The following DEAF1 variants were observed in gnomAD, a reference collection of about 807,000 sequenced individuals.
DEAF1 encodes the protein deformed epidermal autoregulatory factor 1 homolog.
Under a neutral mutation model 58.9 loss-of-function variants are expected in DEAF1, and 53 were observed. The observed-to-expected ratio is 0.90, with a 90% CI of 0.72 to 1.13. The LOEUF (loss-of-function observed/expected upper bound fraction) is 1.13. Ranked by LOEUF, DEAF1 falls within the 50% of genes most tolerant of loss-of-function variation. The pLI, the probability that DEAF1 is intolerant of heterozygous loss-of-function variation, is 0.00. For missense variants in DEAF1, 685 were observed against 791.4 expected, an observed-to-expected ratio of 0.87 and a Z score of 1.61; for synonymous variants, 385 against 340.4, an observed-to-expected ratio of 1.13 and a Z score of -1.44.
chr11:670,931 G>GCTTTTTT (rs1859793528), intron 10 of DEAF1, among the ~76,000 whole-genome samples: 1 of 91,388 alleles, frequency 1.1e-5, no homozygotes, highest in Non-Finnish European at 1.9e-5. Context: ...CCTGGCTAAT[G>GCTTTTTT]TTTTTTTTTT....
rs1357814143 is a variant in DEAF1 at position 688,199 on chromosome 11, T to C, written c.517+132A>G. On this transcript the variant is annotated intron_variant, in intron 3 of 11. Transcript: ENST00000382409. This position sits in a 1 kb window ranked among gnomAD's most constrained non-coding sequence, Gnocchi z 4.3. ...TTGGTCAGGAAAATTCCAATGCTTT[T>C]ACTTAAAATCTATTAATAGATGATA... 2.6e-6 allele frequency: 4 copies of C among 1,518,726 alleles called. No individual in the cohort carries two copies. Among genetic ancestry groups the C allele is most frequent in the African/African-American group, 2.8e-5 (2 of 72,054 alleles). The allele number at this position is 1,518,726 out of a possible 1,614,324, so 94.1% of individuals were successfully genotyped here. A position where few individuals can be genotyped will look rare whatever the true frequency, so the allele number is the denominator to read the frequency against.
At chr11:656,441 A>G (rs1859059151) in intron 10 of DEAF1, among the ~76,000 whole-genome samples, 1 of 152,284 alleles carries the variant, frequency 6.6e-6, no homozygotes, top group Non-Finnish European at 1.5e-5. Context: ...TACAGGCATG[A>G]GCCACCAAGC....
At chr11:651,717 T>C (rs1265773882) in intron 11 of DEAF1, among the ~76,000 whole-genome samples, 1 of 152,098 alleles carries the variant, frequency 6.6e-6, no homozygotes, top group African/African-American at 2.4e-5. Flanking sequence ...AAACCCTGTC[T>C]CTACTAAAAA....
upstream of DEAF1, chr11:695,994 G>A: frequency 1.4e-6 from 1 of 693,508 alleles, no homozygotes; most frequent in Non-Finnish European, 2.0e-6. Flanking sequence ...ACCCCATCGA[G>A]AAGCGCGGCC....
chr11:704,536 G>T (rs140750324), intron 1 of DEAF1: 16 of 1,289,398 alleles, frequency 1.2e-5, no homozygotes, highest in African/African-American at 1.5e-5. Context: ...GCCTGCACTC[G>T]CAGAAGACCA....
chr11:691,585 C>T lies in DEAF1; in HGVS notation c.303G>A (p.Val101=), dbSNP rs374249965. The T allele has an allele frequency of 2.5e-6, 4 of 1,613,492 alleles. No individual in the cohort carries two copies. The African/African-American group carries it at 4.0e-5, about 16-fold the overall frequency. ...AAAAFAEVTT[V]TVANVGAAAD... ...CAGCAGCCCCCACGTTGGCCACTGTCACTGTGGTCACCTCTGCAACAGAAG... is the reference window on the plus strand; with the variant it reads ...CAGCAGCCCCCACGTTGGCCACTGTTACTGTGGTCACCTCTGCAACAGAAG... The change falls in exon 2 of 12, where the codon GTG becomes GTA. Residue 101 remains valine (V), a synonymous_variant. Transcript: ENST00000382409.
intron 2 of DEAF1, among the ~76,000 whole-genome samples, chr11:691,227 T>C (rs1013531400): frequency 6.6e-6 from 1 of 152,252 alleles, no homozygotes; most frequent in Admixed American, 6.5e-5. Context: ...GACAGCAGCC[T>C]GCTGGGAGTC....
intron 2 of DEAF1, among the ~76,000 whole-genome samples, chr11:690,790 AGAT>A (rs1233377949): frequency 6.6e-6 from 1 of 152,166 alleles, no homozygotes; most frequent in African/African-American, 2.4e-5. Context: ...AGGTATATGG[AGAT>A]GATGTCCCAG....
At chr11:653,215 G>A (rs186039741) in intron 11 of DEAF1, among the ~76,000 whole-genome samples, 183 of 152,182 alleles carry the variant, frequency 1.2e-3, no homozygotes, top group Admixed American at 2.8e-3. Context: ...TCTGTGGAGC[G>A]GAGGGCTGAA....
intron 1 of DEAF1, chr11:704,654 T>G: frequency 7.8e-7 from 1 of 1,288,528 alleles, no homozygotes; most frequent in Non-Finnish European, 1.0e-6. Context: ...TAATGGATCC[T>G]GATACCTCCA....
chr11:679,577 G>GC, intron 8 of DEAF1, 111 bp downstream of exon 8: 2 of 1,532,752 alleles, frequency 1.3e-6, no homozygotes, highest in Non-Finnish European at 1.8e-6. Context: ...CTGGTTCAAG[G>GC]CCCCTCTCGA....
At chr11:682,375 CCT>C (rs1278644150) in intron 6 of DEAF1, among the ~76,000 whole-genome samples, 3 of 152,222 alleles carry the variant, frequency 2.0e-5, no homozygotes, top group Non-Finnish European at 2.9e-5. Context: ...GCTTTCCTCG[CCT>C]CTCTGGTAAA....
chr11:689,706 A>G (rs527960061), intron 2 of DEAF1: 1 of 152,314 alleles, frequency 6.6e-6, no homozygotes, highest in East Asian at 1.9e-4. Flanking sequence ...TTTGTTTAAG[A>G]GTCACAGAGT....
chr11:657,991 G>A (rs1228738798), intron 10 of DEAF1, among the ~76,000 whole-genome samples: 2 of 152,174 alleles, frequency 1.3e-5, no homozygotes, highest in African/African-American at 4.8e-5. Context: ...ACCCAGCGAC[G>A]GTTTCTCAGC....
At chr11:667,103 G>A (rs1454537224) in intron 10 of DEAF1, among the ~76,000 whole-genome samples, 1 of 151,980 alleles carries the variant, frequency 6.6e-6, no homozygotes, top group Non-Finnish European at 1.5e-5. Context: ...AGAAGGCTGA[G>A]GTAAGAGGAT....
chr11:697,734 G>C (rs915244261), upstream of DEAF1: 1 of 152,262 alleles, frequency 6.6e-6, no homozygotes, highest in Non-Finnish European at 1.5e-5. Flanking sequence ...GAAAAGAACA[G>C]ATCGGGTTTA....
chr11:662,458 T>C (rs1452494816), intron 10 of DEAF1, among the ~76,000 whole-genome samples: 1 of 152,076 alleles, frequency 6.6e-6, no homozygotes, highest in African/African-American at 2.4e-5. Context: ...TGGGGAACCA[T>C]TCAGTACTTC....
intron 6 of DEAF1, among the ~76,000 whole-genome samples, chr11:682,105 T>G (rs1268166765): frequency 6.6e-6 from 1 of 152,246 alleles, no homozygotes; most frequent in Non-Finnish European, 1.5e-5. Context: ...CCTCGGCTGC[T>G]GCTCCTCTGA....
chr11:690,452 CTG>C (rs1443847731), intron 2 of DEAF1, among the ~76,000 whole-genome samples: 17 of 151,790 alleles, frequency 1.1e-4, no homozygotes, highest in Admixed American at 3.3e-4. Flanking sequence ...CTAACAATAA[CTG>C]TGCTTTCAGG....
Sources: allele counts gnomAD v4.1 joint callset (sites outside exome capture counted in the v4.1 genomes callset), GRCh38; gene constraint gnomAD v4.1.1; non-coding constraint Gnocchi (gnomAD v3.1); transcripts MANE v1.5; gene names NCBI Gene and HGNC (gene_info 2026-07-23, HGNC 2026-07-21).